The following SNTB1 variants were observed in gnomAD, a reference collection of about 807,000 sequenced individuals.
SNTB1 encodes beta-1-syntrophin.
SNTB1 carries 36 observed loss-of-function variants against 48.9 expected under a neutral mutation model. The ratio of observed to expected loss-of-function variants is 0.74; its 90% CI spans 0.56 to 0.97. The LOEUF is 0.97. Among genes scored for constraint, SNTB1 ranks in the 50% least tolerant of loss-of-function variants. SNTB1 has a pLI of 0.00. For missense variants in SNTB1, 786 were observed against 703.4 expected (o/e 1.12, Z -1.33); for synonymous variants, 299 against 294.6 (o/e 1.01, Z -0.15).
At chr8:120,783,140 A>C (rs1819857533) in intron 1 of SNTB1, among the ~76,000 whole-genome samples, 1 of 152,232 alleles carries the variant, frequency 6.6e-6, no homozygotes, top group Non-Finnish European at 1.5e-5. Context: ...ATCTAACAGA[A>C]TAGCAAGTAT....
rs556458891 is a variant in SNTB1 at position 120,755,189 on chromosome 8, C to A, written c.571+56084G>T. ...GTGTGTGTGAGAGAGAGAGAGAGAG[C>A]GAGAGAGAGAGAAGAAAGAGAGAGA... is the stretch of plus-strand genomic sequence containing the variant. On this transcript the variant is annotated intron_variant, in intron 1 of 6. Transcript: ENST00000517992. Among the ~76,000 whole-genome samples the A allele has an allele frequency of 5.6e-3, 799 of 141,712 alleles. 3 individuals are homozygous for A. Among genetic ancestry groups the A allele is most frequent in the Non-Finnish European group, 9.1e-3 (591 of 65,118 alleles). The allele number at this position is 141,712 out of a possible 152,430, so 93.0% of individuals were successfully genotyped here.
At chr8:120,689,898 C>T (rs73321223) in intron 2 of SNTB1, among the ~76,000 whole-genome samples, 3,686 of 152,172 alleles carry the variant, frequency 0.024, 152 homozygotes, top group African/African-American at 0.082. Context: ...TGTCAGTGTT[C>T]TTTGTGGACT....
intron 3 of SNTB1, among the ~76,000 whole-genome samples, chr8:120,606,890 T>C (rs1239944920): frequency 6.6e-6 from 1 of 152,154 alleles, no homozygotes; most frequent in Non-Finnish European, 1.5e-5. Flanking sequence ...AATAAAAGAA[T>C]ACTCTTTATC....
chr8:120,636,644 G>T (rs542272065), intron 2 of SNTB1, among the ~76,000 whole-genome samples: 1 of 150,916 alleles, frequency 6.6e-6, no homozygotes, highest in Non-Finnish European at 1.5e-5. Context: ...GTCCATCATT[G>T]TTGGACATTT....
rs1350099971 is a variant in SNTB1 at position 120,669,516 on chromosome 8, A to G, written c.788+24176T>C. Among the ~76,000 whole-genome samples, 74 of 35,548 alleles carry G rather than the reference A, an allele frequency of 2.1e-3. 22 individuals are homozygous for G. Among genetic ancestry groups the G allele is most frequent in the Admixed American group, 5.2e-4 (2 of 3,820 alleles). The allele number at this position is 35,548 out of a possible 152,430, so 23.3% of individuals were successfully genotyped here. On this transcript the variant is annotated intron_variant, in intron 2 of 6. Coordinates refer to ENST00000517992, the MANE Select transcript of SNTB1 (RefSeq NM_021021.4). ...GCCGGACTGCGGACTGCAGTGGCGCAATCTCGGCTCACTGCAAGCTCCGCT... is the reference window on the plus strand; with the variant it reads ...GCCGGACTGCGGACTGCAGTGGCGCGATCTCGGCTCACTGCAAGCTCCGCT...
At chr8:120,784,671 C>G (rs1819892488) in intron 1 of SNTB1, among the ~76,000 whole-genome samples, 1 of 152,218 alleles carries the variant, frequency 6.6e-6, no homozygotes. Flanking sequence ...GCAATGATAG[C>G]TTTTTCTTTC....
chr8:120,797,980 A>G (rs763361290), intron 1 of SNTB1, among the ~76,000 whole-genome samples: 42 of 151,982 alleles, frequency 2.8e-4, no homozygotes, highest in Admixed American at 1.1e-3. Context: ...GCCACACAAG[A>G]ATAGTACTAT....
chr8:120,574,008 T>C (rs1393391470), intron 4 of SNTB1, among the ~76,000 whole-genome samples: 1 of 152,242 alleles, frequency 6.6e-6, no homozygotes, highest in Non-Finnish European at 1.5e-5. Context: ...GAAAGTGTGG[T>C]ATTTACATAT....
At chr8:120,811,195 G>C (rs1387774803) in intron 1 of SNTB1, 78 bp downstream of exon 1, 50 of 1,511,970 alleles carry the variant, frequency 3.3e-5, no homozygotes, top group Non-Finnish European at 4.3e-5. Context: ...CCGAGTGAGT[G>C]TGAGTGTGAG....
intron 1 of SNTB1, among the ~76,000 whole-genome samples, chr8:120,772,291 G>A (rs556529928): frequency 5.0e-4 from 76 of 151,932 alleles, no homozygotes; most frequent in African/African-American, 1.8e-3. Flanking sequence ...TGCCGCCTAG[G>A]CTGGAGTGCA....
At chr8:120,563,125 C>A (rs888424766) in intron 4 of SNTB1, among the ~76,000 whole-genome samples, 5 of 152,208 alleles carry the variant, frequency 3.3e-5, no homozygotes, top group African/African-American at 1.2e-4. Context: ...AAACTCCCCA[C>A]CAGCCACTGG....
intron 2 of SNTB1, among the ~76,000 whole-genome samples, chr8:120,661,898 G>A (rs1563844858): frequency 6.6e-6 from 1 of 152,168 alleles, no homozygotes; most frequent in East Asian, 1.9e-4. Context: ...GAATGGGGAA[G>A]GAGTAGAAAA....
rs1587046962 is a variant in SNTB1, at chr8:120,632,344, A to G, written c.996+100T>C. The G allele has an allele frequency of 3.7e-6, 4 of 1,080,298 alleles. 1 individual carries two copies. In the Admixed American group the frequency reaches 8.1e-5, roughly 22 times the overall value. The allele number at this position is 1,080,298 out of a possible 1,614,324, so 66.9% of individuals were successfully genotyped here. On this transcript the variant is annotated intron_variant, in intron 3 of 6. Coordinates refer to ENST00000517992, the MANE Select transcript of SNTB1 (RefSeq NM_021021.4). ...AATGAGAAATCCACACAGACTGTGAATGAGAGAATCAGCCTATGGGATGAG... is the reference window on the plus strand; with the variant it reads ...AATGAGAAATCCACACAGACTGTGAGTGAGAGAATCAGCCTATGGGATGAG...
chr8:120,632,775 A>G, intron 2 of SNTB1, 124 bp from the exon 3 acceptor site: 1 of 763,808 alleles, frequency 1.3e-6, no homozygotes, highest in Non-Finnish European at 2.1e-6. Context: ...TTCTAACGGG[A>G]TGCCTTAACA....
intron 2 of SNTB1, among the ~76,000 whole-genome samples, chr8:120,677,352 G>T (rs915195672): frequency 6.6e-6 from 1 of 152,208 alleles, no homozygotes; most frequent in Non-Finnish European, 1.5e-5. Flanking sequence ...TTCAAGGCCT[G>T]TCTCTGTGTT....
intron 1 of SNTB1, among the ~76,000 whole-genome samples, chr8:120,802,971 C>T (rs929507498): frequency 6.6e-6 from 1 of 151,944 alleles, no homozygotes; most frequent in African/African-American, 2.4e-5. Flanking sequence ...CACCCATCCT[C>T]TAAACCACTG....
chr8:120,725,816 T>A (rs909007626), intron 1 of SNTB1, among the ~76,000 whole-genome samples: 1 of 152,206 alleles, frequency 6.6e-6, no homozygotes, highest in Non-Finnish European at 1.5e-5. Context: ...GGCAACTCCT[T>A]CATCTCCCCA....
intron 1 of SNTB1, among the ~76,000 whole-genome samples, chr8:120,712,786 C>T (rs1818486250): frequency 6.6e-6 from 1 of 152,114 alleles, no homozygotes; most frequent in South Asian, 2.1e-4. Context: ...TGCCTCACTA[C>T]AGTTTATTTT....
intron 3 of SNTB1, among the ~76,000 whole-genome samples, chr8:120,611,942 T>C (rs1480362602): frequency 6.6e-6 from 1 of 151,848 alleles, no homozygotes; most frequent in Non-Finnish European, 1.5e-5. Context: ...GGTTCTTACC[T>C]AGAAGACACC....
Sources: allele counts gnomAD v4.1 joint callset (sites outside exome capture counted in the v4.1 genomes callset), GRCh38; gene constraint gnomAD v4.1.1; transcripts MANE v1.5; gene names NCBI Gene and HGNC (gene_info 2026-07-23, HGNC 2026-07-21).